Variants in SORD observed in about 807,000 individuals in gnomAD.
SORD encodes the protein sorbitol dehydrogenase.
In SORD, 18 loss-of-function variants were observed where a neutral mutation model predicts 35.6. The observed-to-expected ratio is 0.51, with a 90% CI of 0.35 to 0.75. The LOEUF is 0.75. Among genes scored for constraint, SORD ranks in the 30% least tolerant of loss-of-function variants. The probability of loss-of-function intolerance (pLI) is 0.01; values close to 1 mark genes in which losing one functional copy is unlikely to be tolerated. For synonymous variants in SORD, 106 were observed against 152.9 expected (o/e 0.69, Z 2.26); for missense variants, 250 against 390.2 (o/e 0.64, Z 3.03).
At chr15:45,062,943 C>T (rs1452355247) in intron 4 of SORD, among the ~76,000 whole-genome samples, 2 of 147,824 alleles carry the variant, frequency 1.4e-5, no homozygotes, top group Admixed American at 1.3e-4. Context: ...AGGTCTGGCA[C>T]ATAGTAAATG....
At chr15:45,046,351 T>G (rs547423648) in intron 3 of SORD, among the ~76,000 whole-genome samples, 67 of 152,314 alleles carry the variant, frequency 4.4e-4, no homozygotes, top group African/African-American at 1.6e-3. Context: ...CAAGTGATTC[T>G]TGTGCCTCAG....
chr15:45,037,516 C>T (rs1403089031), intron 1 of SORD, among the ~76,000 whole-genome samples: 1 of 152,126 alleles, frequency 6.6e-6, no homozygotes, highest in African/African-American at 2.4e-5. Flanking sequence ...CTACTAGTGC[C>T]TTTAGCAGGG....
chr15:45,026,890 G>C (rs555266236), intron 1 of SORD, among the ~76,000 whole-genome samples: 1 of 152,312 alleles, frequency 6.6e-6, no homozygotes, highest in East Asian at 1.9e-4. Context: ...CACTTTACTT[G>C]TCCTTTAACT....
At chr15:45,061,737 C>A (rs912895312) in intron 4 of SORD, among the ~76,000 whole-genome samples, 2 of 152,014 alleles carry the variant, frequency 1.3e-5, no homozygotes, top group African/African-American at 4.8e-5. Flanking sequence ...GGCCTGGTGG[C>A]AGGCACCTGT....
At chr15:45,054,234 T>G (rs1244033741) in intron 3 of SORD, among the ~76,000 whole-genome samples, 1 of 152,236 alleles carries the variant, frequency 6.6e-6, no homozygotes, top group Non-Finnish European at 1.5e-5. Flanking sequence ...ACTTCCACAG[T>G]GGTTGAACTA....
At chr15:45,030,060 A>T (rs1892750806) in intron 1 of SORD, among the ~76,000 whole-genome samples, 1 of 152,258 alleles carries the variant, frequency 6.6e-6, no homozygotes, top group Non-Finnish European at 1.5e-5. Flanking sequence ...GGGATCAATC[A>T]GAGGAAAGCG....
intron 3 of SORD, chr15:45,047,365 C>A (rs1255555315): frequency 6.6e-6 from 1 of 152,074 alleles, no homozygotes; most frequent in African/African-American, 2.4e-5. Flanking sequence ...CAGGCCTCAC[C>A]AGGTTCCTAA....
intron 1 of SORD, among the ~76,000 whole-genome samples, chr15:45,030,590 A>T (rs2141263534): frequency 6.6e-6 from 1 of 152,406 alleles, no homozygotes; most frequent in East Asian, 1.9e-4. Flanking sequence ...CAAGATCACG[A>T]ACAGACTAGA....
rs901018126 is a variant in SORD, at chr15:45,036,337, C to G, written c.67-4071C>G. 8.8e-6 allele frequency: 4 copies of G among 455,982 alleles called. No homozygotes were observed. In the East Asian group the frequency reaches 2.8e-4, roughly 32 times the overall value. The allele number at this position is 455,982 out of a possible 1,614,324, so 28.2% of individuals were successfully genotyped here. Reference sequence around the variant, plus strand: ...AGTGAAATATTCTGGAAAACTCACACAACTATGGTAAAGAAGAATTACTCA... The same window carrying G: ...AGTGAAATATTCTGGAAAACTCACAGAACTATGGTAAAGAAGAATTACTCA... On this transcript the variant is annotated intron_variant, in intron 1 of 8. Coordinates refer to ENST00000267814, the MANE Select transcript of SORD (RefSeq NM_003104.6).
rs1188150573 is a variant in SORD, at chr15:45,073,519, C to T, written c.1063C>T (p.Gln355Ter). ...KIMLKCDPSDQNP is the reference protein window; with the variant it reads ...KIMLKCDPSD ...CATGCTCAAGTGTGACCCCAGTGAC[C>T]AGAATCCCTGATGTTAATGGGCTCT... The change falls in exon 9 of 9, where the codon CAG (glutamine) becomes TAG (stop). Residue 355 changes from glutamine to a stop codon, truncating the protein, a stop_gained. Coordinates refer to ENST00000267814, the MANE Select transcript of SORD (RefSeq NM_003104.6). LOFTEE classifies it high-confidence loss of function. 2 of 1,581,102 alleles carry T rather than the reference C, an allele frequency of 1.3e-6. No individual in the cohort carries two copies. The highest frequency in any genetic ancestry group is 2.2e-5 in the East Asian group (1 of 44,670).
At chr15:45,027,442 C>A (rs1315284326) in intron 1 of SORD, among the ~76,000 whole-genome samples, 3 of 152,256 alleles carry the variant, frequency 2.0e-5, no homozygotes, top group Admixed American at 6.5e-5. Flanking sequence ...TTCAGTGGAA[C>A]CAATTGTGCG....
At chr15:45,049,566 G>A (rs573543459) in intron 3 of SORD, among the ~76,000 whole-genome samples, 6 of 152,258 alleles carry the variant, frequency 3.9e-5, no homozygotes, top group Admixed American at 2.6e-4. Flanking sequence ...CTATAGTTAT[G>A]CCTGCCAAGA....
In SORD at chr15:45,072,327, C is replaced by G; in HGVS notation, c.797C>G (p.Ser266Cys). The G allele has an allele frequency of 3.2e-6, 2 of 624,736 alleles. 1 individual carries two copies. Among genetic ancestry groups the G allele is most frequent in the Non-Finnish European group, 5.2e-6 (2 of 387,486 alleles). 38.7% of individuals were successfully genotyped at this position (624,736 alleles called of 1,614,324 possible). A position where few individuals can be genotyped will look rare whatever the true frequency, so the allele number is the denominator to read the frequency against. Residue 266 changes from serine (S) to cysteine (C), a missense_variant, in exon 8 of 9, where the codon TCT becomes TGT. By Grantham distance (112) the Ser-to-Cys change is moderately radical (BLOSUM62 -1). Around this residue, in one of 8 missense-constraint regions of SORD, gnomAD observed 44 missense variants for 54.5 expected, o/e 0.81. Transcript: ENST00000267814. ...SIQAGIYATR[S>C]GGNLVLVGLG... ...TTACCTCCTTTACAGGCCACTCGCTCTGGTGGGAACCTCGTGCTTGTGGGG... is the reference window on the plus strand; with the variant it reads ...TTACCTCCTTTACAGGCCACTCGCTGTGGTGGGAACCTCGTGCTTGTGGGG...
chr15:45,037,483 T>G (rs1892887547), intron 1 of SORD, among the ~76,000 whole-genome samples: 2 of 152,170 alleles, frequency 1.3e-5, no homozygotes, highest in Admixed American at 1.3e-4. Context: ...TGTGGAACTG[T>G]CTTTCAGTGT....
intron 2 of SORD, among the ~76,000 whole-genome samples, chr15:45,041,064 G>A (rs1398321420): frequency 5.3e-5 from 8 of 152,274 alleles, no homozygotes; most frequent in African/African-American, 1.9e-4. Flanking sequence ...ACTCCTTCTA[G>A]GCCTCTCACT....
chr15:45,042,164 T>C (rs1044463087), intron 2 of SORD, among the ~76,000 whole-genome samples: 4 of 152,208 alleles, frequency 2.6e-5, no homozygotes, highest in South Asian at 2.1e-4. Flanking sequence ...GGTACTTATT[T>C]CACCAAAGGG....
At chr15:45,066,357 G>C (rs1392304566) in intron 5 of SORD, among the ~76,000 whole-genome samples, 5 of 151,746 alleles carry the variant, frequency 3.3e-5, no homozygotes, top group Non-Finnish European at 5.9e-5. Context: ...TGTTGCCCAG[G>C]CTGGAGTACA....
At chr15:45,069,097 GAAGGAGGCAGAAGT>G (rs766924765) in intron 7 of SORD, 45 bp downstream of exon 7, 63 of 1,384,390 alleles carry the variant, frequency 4.6e-5, no homozygotes, top group Middle Eastern at 2.0e-4. Flanking sequence ...ATAGGGGAGT[GAAGGAGGCAGAAGT>G]AGGGAGTCAA....
At chr15:45,043,977 C>T (rs1428304515) in intron 3 of SORD, among the ~76,000 whole-genome samples, 1 of 152,250 alleles carries the variant, frequency 6.6e-6, no homozygotes. Flanking sequence ...CTTTAACCTT[C>T]CTTTACCGGT....
Sources: allele counts gnomAD v4.1 joint callset (sites outside exome capture counted in the v4.1 genomes callset), GRCh38; gene constraint gnomAD v4.1.1; regional missense constraint gnomAD v4.1.1; transcripts MANE v1.5; gene names NCBI Gene and HGNC (gene_info 2026-07-23, HGNC 2026-07-21).